Variants in BCAN observed in about 807,000 individuals in gnomAD.
The protein encoded by BCAN is brevican core protein.
Under a neutral mutation model 92.4 loss-of-function variants are expected in BCAN, and 51 were observed. That is an observed-to-expected ratio of 0.55 (90% CI 0.44 to 0.70). The LOEUF is 0.70. Among genes scored for constraint, BCAN ranks in the 30% least tolerant of loss-of-function variants. The probability of loss-of-function intolerance (pLI) is 0.00; values close to 1 mark genes in which losing one functional copy is unlikely to be tolerated. For synonymous variants in BCAN, 501 were observed against 505.2 expected (o/e 0.99, Z 0.11); for missense variants, 1,140 against 1,212.1 (o/e 0.94, Z 0.88).
intron 1 of BCAN, among the ~76,000 whole-genome samples, chr1:156,645,625 G>A (rs151096171): frequency 2.9e-4 from 44 of 152,258 alleles, no homozygotes; most frequent in African/African-American, 1.0e-3. Flanking sequence ...AGGAGCAGAT[G>A]GAATTCTGAG....
chr1:156,654,763 C>T (rs1362752527), intron 8 of BCAN, among the ~76,000 whole-genome samples: 1 of 152,178 alleles, frequency 6.6e-6, no homozygotes, highest in Non-Finnish European at 1.5e-5. Context: ...GTTCAGAATT[C>T]TACCCTCTGT....
intron 6 of BCAN, 50 bp from the exon 7 acceptor site, chr1:156,651,406 G>A (rs775792628): frequency 6.7e-6 from 10 of 1,487,210 alleles, no homozygotes; most frequent in Non-Finnish European, 8.4e-6. Flanking sequence ...TGACCTGGGA[G>A]GGCAGAGCTA....
Position 156,659,098 on chromosome 1 carries a change from G to A in BCAN, c.2700G>A (p.Leu900=), listed in dbSNP as rs143807107. 11 of 1,592,586 alleles carry A rather than the reference G, an allele frequency of 6.9e-6. No homozygotes were observed. Among genetic ancestry groups the A allele is most frequent in the Non-Finnish European group, 9.4e-6 (11 of 1,171,156 alleles). The part of the protein sequence containing the change: ...QGRLLGRWKA[L]LIPPSSPMPG... ...GGCTACTGGGACGCTGGAAGGCGCT[G>A]TTGATCCCCCCTTCCAGCCCCATGC... The change falls in exon 14 of 14, where the codon CTG becomes CTA. Residue 900 remains leucine (L), a synonymous_variant. Transcript: ENST00000329117.
intron 9 of BCAN, 22 bp downstream of exon 9, chr1:156,656,411 G>A: frequency 1.5e-6 from 2 of 1,335,274 alleles, no homozygotes; most frequent in Non-Finnish European, 9.7e-7. Flanking sequence ...GGGACGGGGG[G>A]CAGGTTTGAA....
At chr1:156,655,780 T>C (rs10796963) in intron 8 of BCAN, among the ~76,000 whole-genome samples, 54,679 of 152,026 alleles carry the variant, frequency 0.36, 10,087 homozygotes, top group South Asian at 0.53. Context: ...GCGGTAATCC[T>C]TCTGTCCCCT....
At chr1:156,652,155 C>T (rs1210038301) in intron 7 of BCAN, 93 bp from the exon 8 acceptor site, 1 of 1,468,482 alleles carries the variant, frequency 6.8e-7, no homozygotes, top group Non-Finnish European at 9.1e-7. Flanking sequence ...CAGGGCTCAC[C>T]CTCCTGAGCC....
Position 156,647,138 on chromosome 1 carries a change from C to T in BCAN, c.429C>T (p.Ile143=). Residue 143 remains isoleucine (I), a synonymous_variant, in exon 3 of 14, where the codon ATC becomes ATT. Transcript: ENST00000329117. The surrounding 1 kb of genome is among the most constrained non-coding windows in gnomAD (Gnocchi z 4.8). ...ATCGCTGTGAGGTCCAGCACGGCAT[C>T]GATGACAGCAGCGACGCTGTGGAGG... is the stretch of plus-strand genomic sequence containing the variant. ...GIYRCEVQHG[I]DDSSDAVEVK... is the part of the protein sequence containing the mutation. 2 of 1,438,814 alleles carry T rather than the reference C, an allele frequency of 1.4e-6. No individual in the cohort carries two copies. Among genetic ancestry groups the T allele is most frequent in the African/African-American group, 2.9e-5 (2 of 67,872 alleles). The allele number at this position is 1,438,814 out of a possible 1,614,324, so 89.1% of individuals were successfully genotyped here. A position where few individuals can be genotyped will look rare whatever the true frequency, so the allele number is the denominator to read the frequency against.
At position 156,647,937 on chromosome 1, in the gene BCAN, C is replaced by T; in HGVS notation, c.642-46C>T. On this transcript the variant is annotated intron_variant, in intron 4 of 13. Coordinates refer to ENST00000329117, the MANE Select transcript of BCAN (RefSeq NM_021948.5). The surrounding 1 kb of genome is among the most constrained non-coding windows in gnomAD (Gnocchi z 4.8). ...CAATAGAATCAATATGGGCTGGCTC[C>T]CTGGTGAAAGCATCTGTACTAAGTG... is the stretch of plus-strand genomic sequence containing the variant. 2 of 1,608,752 alleles carry T rather than the reference C, an allele frequency of 1.2e-6. No homozygotes were observed. The highest frequency in any genetic ancestry group is 1.7e-6 in the Non-Finnish European group (2 of 1,175,626).
Position 156,646,909 on chromosome 1 carries a change from G to C in BCAN, c.200G>C (p.Ser67Thr). The change falls in exon 3 of 14, where the codon AGC (serine) becomes ACC (threonine). Residue 67 changes from serine (S) to threonine (T), a missense_variant. Ser to Thr is a moderately conservative substitution (Grantham distance 58). This residue lies in a region of BCAN where 286 missense variants were observed against 284.1 expected (regional missense o/e 1.01). Coordinates refer to ENST00000329117, the MANE Select transcript of BCAN (RefSeq NM_021948.5). ...CHVHYLRPPP[S>T]RRAVLGSPRV... is the part of the protein sequence containing the mutation. ...GTCCACTACCTGCGGCCACCGCCGAGCCGCCGGGCTGTGCTGGGCTCTCCG... is the reference window on the plus strand; with the variant it reads ...GTCCACTACCTGCGGCCACCGCCGACCCGCCGGGCTGTGCTGGGCTCTCCG... The C allele has an allele frequency of 6.2e-7, 1 of 1,611,574 alleles. No individual in the cohort carries two copies. The highest frequency in any genetic ancestry group is 8.5e-7 in the Non-Finnish European group (1 of 1,179,132).
chr1:156,658,970 C>T lies in BCAN; in HGVS notation c.2629-57C>T. On this transcript the variant is annotated intron_variant, in intron 13 of 13. Coordinates refer to ENST00000329117, the MANE Select transcript of BCAN (RefSeq NM_021948.5). This position sits in a 1 kb window ranked among gnomAD's most constrained non-coding sequence, Gnocchi z 4.4. ...CTGAGCAAGAACATCAGAGGGCAGG[C>T]TCTGAGGAGAGGAGAAGGAAGAGCC... 1.4e-6 allele frequency: 2 copies of T among 1,474,696 alleles called. No homozygotes were observed. The highest frequency in any genetic ancestry group is 1.2e-5 in the South Asian group (1 of 83,172). 91.4% of individuals were successfully genotyped at this position (1,474,696 alleles called of 1,614,324 possible).
At chr1:156,648,200 C>A in intron 5 of BCAN, 90 bp downstream of exon 5, 1 of 1,522,608 alleles carries the variant, frequency 6.6e-7, no homozygotes, top group Non-Finnish European at 9.0e-7. Flanking sequence ...ACCTTACTAT[C>A]CCTCCTGAGT....
chr1:156,656,187 AG>A, intron 8 of BCAN, 94 bp from the exon 9 acceptor site: 3 of 786,326 alleles, frequency 3.8e-6, no homozygotes, highest in Non-Finnish European at 5.7e-6. Context: ...CAGAGAGACC[AG>A]GGCTGGGGGA....
In BCAN at chr1:156,657,684, G is replaced by C; in HGVS notation, c.2219G>C (p.Arg740Pro). ...GCCTTCGTCTCCCTAGACCGGTACC[G>C]GGAGTACCAGTGGATCGGACTCAAC... ...EEQDFINNRY[R>P]EYQWIGLNDR... The change falls in exon 11 of 14, where the codon CGG (arginine) becomes CCG (proline). Residue 740 changes from arginine (R) to proline (P), a missense_variant. Arg to Pro is a moderately radical substitution (Grantham distance 103). Transcript: ENST00000329117. 3 of 1,609,838 alleles carry C rather than the reference G, an allele frequency of 1.9e-6. No homozygotes were observed. The highest frequency in any genetic ancestry group is 2.5e-6 in the Non-Finnish European group (3 of 1,178,546).
chr1:156,643,824 A>AG (rs1678875407), intron 1 of BCAN: 2 of 152,240 alleles, frequency 1.3e-5, no homozygotes, highest in Non-Finnish European at 2.9e-5. Context: ...TGAAACAGAG[A>AG]GGGGGATGTT....
rs1679192100 is a variant in BCAN, at chr1:156,652,346, G to C, written c.1396G>C (p.Glu466Gln). ...EEKYEDEEEK[E>Q]EEEEEEEVED... ...GAAATATGAAGATGAAGAAGAGAAA[G>C]AGGAGGAAGAAGAAGAGGAGGAGGT... The change falls in exon 8 of 14, where the codon GAG becomes CAG. Residue 466 changes from glutamate to glutamine, a missense_variant. This residue lies in a region of BCAN where 825 missense variants were observed against 871.8 expected (regional missense o/e 0.95). Coordinates refer to ENST00000329117, the MANE Select transcript of BCAN (RefSeq NM_021948.5). 1.2e-6 allele frequency: 2 copies of C among 1,613,912 alleles called. No homozygotes were observed. The highest frequency in any genetic ancestry group is 1.7e-6 in the Non-Finnish European group (2 of 1,179,926).
chr1:156,656,537 C>A, intron 9 of BCAN, 148 bp downstream of exon 9: 1 of 596,948 alleles, frequency 1.7e-6, no homozygotes, highest in Non-Finnish European at 2.6e-6. Flanking sequence ...TTGAGTCCTA[C>A]CCTCAATTTT....
intron 1 of BCAN, chr1:156,643,204 T>A (rs1387823311): frequency 1.3e-5 from 2 of 152,250 alleles, no homozygotes; most frequent in African/African-American, 4.8e-5. Flanking sequence ...GTATTACCAG[T>A]GCCTATGTTG....
Position 156,648,568 on chromosome 1 carries a change from G to A in BCAN, c.770G>A (p.Gly257Glu). 6.3e-7 allele frequency: 1 copy of A among 1,582,640 alleles called. No homozygotes were observed. Among genetic ancestry groups the A allele is most frequent in the Non-Finnish European group, 8.7e-7 (1 of 1,155,328 alleles). ...ACCCAGCCTTCTCTTCTCCACCCAG[G>A]AGAACTGTTCCTGGGTGACCCTCCA... Reference protein sequence around the residue: ...DVYCYAEDLNGELFLGDPPEK... With the variant: ...DVYCYAEDLNEELFLGDPPEK... The change falls in exon 6 of 14, where the codon GGA becomes GAA. Residue 257 changes from glycine (G) to glutamate (E), a missense_variant and splice_region_variant. This residue lies in a region of BCAN where 825 missense variants were observed against 871.8 expected (regional missense o/e 0.95). Transcript: ENST00000329117.
rs1438314281 is a variant in BCAN, at chr1:156,659,051, G to C, written c.2653G>C (p.Asp885His). 5.0e-6 allele frequency: 8 copies of C among 1,601,592 alleles called. No homozygotes were observed. Among genetic ancestry groups the C allele is most frequent in the African/African-American group, 1.3e-5 (1 of 74,814 alleles). Reference protein sequence around the residue: ...RPARALHPEEDPEGRQGRLLG... With the variant: ...RPARALHPEEHPEGRQGRLLG... Reference sequence around the variant, plus strand: ...GGCCCGAGCTCTGCACCCAGAGGAGGACCCAGAAGGACGTCAGGGGAGGCT... The same window carrying C: ...GGCCCGAGCTCTGCACCCAGAGGAGCACCCAGAAGGACGTCAGGGGAGGCT... Residue 885 changes from aspartate (D) to histidine (H), a missense_variant, in exon 14 of 14, where the codon GAC (aspartate) becomes CAC (histidine). Coordinates refer to ENST00000329117, the MANE Select transcript of BCAN (RefSeq NM_021948.5).
Sources: gnomAD v4.1 joint callset for allele counts (sites outside exome capture counted in the v4.1 genomes callset) on GRCh38, gnomAD v4.1.1 for gene constraint, gnomAD v4.1.1 regional missense constraint, Gnocchi (gnomAD v3.1) non-coding constraint, MANE v1.5 for transcripts, NCBI Gene and HGNC (gene_info 2026-07-23, HGNC 2026-07-21) for gene names.